Variants in YAP1 observed in about 807,000 individuals in gnomAD.
The protein encoded by YAP1 is Yes1 associated transcriptional regulator.
In YAP1, 5 loss-of-function variants were observed where a neutral mutation model predicts 56.9. That is an observed-to-expected ratio of 0.09 (90% confidence interval 0.05 to 0.18). The LOEUF is 0.18. Ranked by LOEUF, YAP1 falls within the 10% of genes least tolerant of loss-of-function variation. The probability of loss-of-function intolerance (pLI) is 1.00; values close to 1 mark genes in which losing one functional copy is unlikely to be tolerated. For synonymous variants in YAP1, 265 were observed against 248.1 expected, an observed-to-expected ratio of 1.07 and a Z score of -0.64; for missense variants, 539 against 651.8, an observed-to-expected ratio of 0.83 and a Z score of 1.88.
chr11:102,227,463 A>T lies in YAP1; in HGVS notation c.1164-6A>T. Reference sequence around the variant, plus strand: ...GTGTTGGTCTTTAACTGTCATGTTTATGTAGTGGCACCTATCACTCTCGAG... The same window carrying T: ...GTGTTGGTCTTTAACTGTCATGTTTTTGTAGTGGCACCTATCACTCTCGAG... On this transcript the variant is annotated splice_polypyrimidine_tract_variant and splice_region_variant and intron_variant, in intron 7 of 8. Transcript: ENST00000282441. The T allele has an allele frequency of 6.2e-7, 1 of 1,606,642 alleles. No individual in the cohort carries two copies. The highest frequency in any genetic ancestry group is 8.5e-7 in the Non-Finnish European group (1 of 1,174,170).
intron 2 of YAP1, among the ~76,000 whole-genome samples, chr11:102,115,034 C>T (rs1943193166): frequency 6.6e-6 from 1 of 152,168 alleles, no homozygotes; most frequent in Non-Finnish European, 1.5e-5. Context: ...ACCCTCCTCT[C>T]TGGGAAAACA....
Position 102,114,216 on chromosome 11 carries a change from C to G in YAP1, c.394C>G (p.Leu132Val). 3 of 1,614,080 alleles carry G rather than the reference C, an allele frequency of 1.9e-6. No homozygotes were observed. Among genetic ancestry groups the G allele is most frequent in the Non-Finnish European group, 2.5e-6 (3 of 1,179,920 alleles). The change falls in exon 2 of 9, where the codon CTG (leucine) becomes GTG (valine). Residue 132 changes from leucine to valine, a missense_variant. Leu to Val is a conservative substitution (Grantham distance 32, BLOSUM62 1). Transcript: ENST00000282441. ...HVRAHSSPAS[L>V]QLGAVSPGTL... ...TCGAGCTCATTCCTCTCCAGCTTCT[C>G]TGCAGTTGGGAGCTGTTTCTCCTGG...
At chr11:102,178,671 A>G (rs1264436988) in intron 3 of YAP1, among the ~76,000 whole-genome samples, 13 of 152,276 alleles carry the variant, frequency 8.5e-5, no homozygotes. Flanking sequence ...AGTAGTTCTA[A>G]TTTATGCATT....
At chr11:102,123,647 T>TTTTTTTTTTTTTTTTTTTTG (rs1565429580) in intron 2 of YAP1, among the ~76,000 whole-genome samples, 1 of 125,320 alleles carries the variant, frequency 8.0e-6, no homozygotes, top group Non-Finnish European at 1.7e-5. Context: ...TTTTTTTTTC[T>TTTTTTTTTTTTTTTTTTTTG]TTTTTTTTTC....
intron 6 of YAP1, among the ~76,000 whole-genome samples, chr11:102,210,116 C>T (rs1190688382): frequency 2.0e-5 from 3 of 152,128 alleles, no homozygotes; most frequent in Admixed American, 2.0e-4. Context: ...CTCTGATGAA[C>T]CCCAGGGAGC....
chr11:102,168,612 G>A (rs1263703100), intron 3 of YAP1, among the ~76,000 whole-genome samples: 1 of 152,174 alleles, frequency 6.6e-6, no homozygotes, highest in African/African-American at 2.4e-5. Flanking sequence ...CTCAAGATGG[G>A]TGGAGAAAAT....
chr11:102,181,258 A>C (rs1325876472), intron 3 of YAP1, among the ~76,000 whole-genome samples: 1 of 151,976 alleles, frequency 6.6e-6, no homozygotes, highest in Non-Finnish European at 1.5e-5. Flanking sequence ...ATCCTGGCTA[A>C]CACGGTGAAA....
chr11:102,199,238 C>G (rs984537746), intron 4 of YAP1, among the ~76,000 whole-genome samples: 1 of 152,098 alleles, frequency 6.6e-6, no homozygotes, highest in African/African-American at 2.4e-5. Flanking sequence ...GATGAGAAAA[C>G]CAAGGATTAA....
Position 102,110,723 on chromosome 11 carries a change from G to C in YAP1, c.-126G>C, listed in dbSNP as rs981592318. The C allele has an allele frequency of 2.3e-6, 2 of 874,378 alleles. No individual in the cohort carries two copies. Among genetic ancestry groups the C allele is most frequent in the South Asian group, 5.3e-5 (1 of 18,770 alleles). 54.2% of individuals were successfully genotyped at this position (874,378 alleles called of 1,614,324 possible). ...GCGGCGCAGCCCCCCGGCCCTGAGA[G>C]CGAGGACAGCGCCGCCCGGCCCGCA... On this transcript the variant is annotated 5_prime_UTR_variant, in exon 1 of 9. Coordinates refer to ENST00000282441, the MANE Select transcript of YAP1 (RefSeq NM_001130145.3).
At chr11:102,206,125 T>C (rs1949109997) in intron 5 of YAP1, 51 bp downstream of exon 5, 1 of 1,572,212 alleles carries the variant, frequency 6.4e-7, no homozygotes. Flanking sequence ...GTTTGTTTTC[T>C]TAAAGTTGGG....
intron 2 of YAP1, among the ~76,000 whole-genome samples, chr11:102,123,955 T>A (rs1336855863): frequency 6.7e-5 from 10 of 150,266 alleles, no homozygotes; most frequent in Admixed American, 6.6e-4. Context: ...TTTTTTTTTG[T>A]TTTTTTGTTT....
intron 3 of YAP1, among the ~76,000 whole-genome samples, chr11:102,165,795 A>G (rs1332162569): frequency 6.6e-6 from 1 of 152,228 alleles, no homozygotes; most frequent in African/African-American, 2.4e-5. Context: ...GATAACTGAC[A>G]GAGCGAAGCC....
intron 4 of YAP1, among the ~76,000 whole-genome samples, chr11:102,194,060 C>T (rs979063968): frequency 6.6e-6 from 1 of 152,214 alleles, no homozygotes; most frequent in Non-Finnish European, 1.5e-5. Flanking sequence ...CCACCTCGGC[C>T]TCCCGAAGTG....
In YAP1 at chr11:102,110,876, C is replaced by A. The variant is rs1323319846; in HGVS notation, c.28C>A (p.Gln10Lys). 1.4e-6 allele frequency: 2 copies of A among 1,421,296 alleles called. No homozygotes were observed. The highest frequency in any genetic ancestry group is 2.6e-4 in the Middle Eastern group (1 of 3,920). The allele number at this position is 1,421,296 out of a possible 1,614,324, so 88.0% of individuals were successfully genotyped here. ...GGATCCCGGGCAGCAGCCGCCGCCT[C>A]AACCGGCCCCCCAGGGCCAAGGGCA... MDPGQQPPP[Q>K]PAPQGQGQPP... Residue 10 changes from glutamine (Q) to lysine (K), a missense_variant, in exon 1 of 9, where the codon CAA becomes AAA. Physicochemically the swap from Gln to Lys is moderately conservative, Grantham distance 53 (BLOSUM62 1). Around this residue, in one of 4 missense-constraint regions of YAP1, gnomAD observed 106 missense variants for 86.6 expected, o/e 1.22. Coordinates refer to ENST00000282441, the MANE Select transcript of YAP1 (RefSeq NM_001130145.3).
intron 6 of YAP1, among the ~76,000 whole-genome samples, chr11:102,218,630 C>T (rs1317118605): frequency 6.6e-6 from 1 of 152,122 alleles, no homozygotes; most frequent in Non-Finnish European, 1.5e-5. Context: ...TTGATTCTTT[C>T]AAGTCTAATT....
intron 8 of YAP1, among the ~76,000 whole-genome samples, chr11:102,229,104 T>C (rs1337999545): frequency 6.6e-6 from 1 of 152,206 alleles, no homozygotes; most frequent in East Asian, 1.9e-4. Flanking sequence ...CTGAGGAGTG[T>C]TAATGTTGTC....
At chr11:102,196,704 G>A (rs1242590244) in intron 4 of YAP1, among the ~76,000 whole-genome samples, 1 of 147,826 alleles carries the variant, frequency 6.8e-6, no homozygotes, top group African/African-American at 2.5e-5. Context: ...CTGTGAATTT[G>A]TAAGAACTAC....
At chr11:102,149,114 C>A (rs924309667) in intron 2 of YAP1, among the ~76,000 whole-genome samples, 1 of 152,156 alleles carries the variant, frequency 6.6e-6, no homozygotes, top group African/African-American at 2.4e-5. Flanking sequence ...AGTGACATTT[C>A]TGGGCAAAAC....
chr11:102,152,696 T>C (rs1371123883), intron 2 of YAP1, among the ~76,000 whole-genome samples: 1 of 152,242 alleles, frequency 6.6e-6, no homozygotes, highest in East Asian at 1.9e-4. Context: ...GGTTAAACTA[T>C]TAAGTGTTTC....
Sources: gnomAD v4.1 joint callset for allele counts (sites outside exome capture counted in the v4.1 genomes callset) on GRCh38, gnomAD v4.1.1 for gene constraint, gnomAD v4.1.1 regional missense constraint, MANE v1.5 for transcripts, NCBI Gene and HGNC (gene_info 2026-07-23, HGNC 2026-07-21) for gene names.